MTUS2: variants seen among roughly 807,000 people sequenced by gnomAD.
The protein encoded by MTUS2 is microtubule associated scaffold protein 2, also known as microtubule-associated tumor suppressor candidate 2.
Under a neutral mutation model 114.1 loss-of-function variants are expected in MTUS2, and 40 were observed. That is an observed-to-expected ratio of 0.35 (90% CI 0.27 to 0.46). MTUS2 has a LOEUF of 0.46. MTUS2 is among the 20% of genes least tolerant of loss of function. The pLI, the probability that MTUS2 is intolerant of heterozygous loss-of-function variation, is 1.00. For missense variants in MTUS2, 1,679 were observed against 1,705.4 expected (o/e 0.98, Z 0.27); for synonymous variants, 688 against 672.0 (o/e 1.02, Z -0.37).
intron 2 of MTUS2, among the ~76,000 whole-genome samples, chr13:28,860,012 A>T (rs1876870800): frequency 2.0e-5 from 3 of 152,178 alleles, no homozygotes; most frequent in African/African-American, 7.2e-5. Context: ...ATTGATTTAT[A>T]TTACATTTAG....
chr13:29,033,242 T>C (rs1161836258), intron 3 of MTUS2, among the ~76,000 whole-genome samples: 1 of 152,208 alleles, frequency 6.6e-6, no homozygotes, highest in Non-Finnish European at 1.5e-5. Context: ...GCTCAAACCT[T>C]CCTGGGAGCA....
chr13:29,079,363 T>G (rs962679505), intron 4 of MTUS2, among the ~76,000 whole-genome samples: 2 of 152,068 alleles, frequency 1.3e-5, no homozygotes, highest in Non-Finnish European at 2.9e-5. Context: ...ATTCTTAGGG[T>G]TTTTTTCTCT....
chr13:29,493,706 C>T (rs1470819593), intron 12 of MTUS2, among the ~76,000 whole-genome samples: 2 of 152,214 alleles, frequency 1.3e-5, no homozygotes, highest in East Asian at 1.9e-4. Flanking sequence ...CAATGAACCC[C>T]AGACTGCCTT....
intron 6 of MTUS2, among the ~76,000 whole-genome samples, chr13:29,308,190 A>T (rs1899571059): frequency 6.6e-6 from 1 of 152,228 alleles, no homozygotes; most frequent in African/African-American, 2.4e-5. Flanking sequence ...ACAGCATGGT[A>T]CTGGTACAAG....
rs1251931137 is a variant in MTUS2 at position 29,389,430 on chromosome 13, CGT to C, written c.3117+29964_3117+29965del. On this transcript the variant is annotated intron_variant, in intron 8 of 15. Transcript: ENST00000612955. ...ATACACGTGTGTGTGTATGTATACA[CGT>C]GTGTGTATGTGTATGTATACACGTG... is the stretch of plus-strand genomic sequence containing the variant. Among the ~76,000 whole-genome samples the C allele has an allele frequency of 3.8e-4, 38 of 100,182 alleles. 2 individuals carry two copies. The highest frequency in any genetic ancestry group is 6.8e-4 in the South Asian group (2 of 2,942). The allele number at this position is 100,182 out of a possible 152,430, so 65.7% of individuals were successfully genotyped here. A position where few individuals can be genotyped will look rare whatever the true frequency, so the allele number is the denominator to read the frequency against.
intron 2 of MTUS2, among the ~76,000 whole-genome samples, chr13:28,970,029 C>G (rs1382805555): frequency 6.6e-6 from 1 of 152,236 alleles, no homozygotes; most frequent in Non-Finnish European, 1.5e-5. Flanking sequence ...ATTCGCCTGC[C>G]TTGGCCTCCC....
At chr13:29,476,574 G>A (rs1593488835) in intron 9 of MTUS2, 1 of 141,918 alleles carries the variant, frequency 7.0e-6, no homozygotes, top group South Asian at 2.3e-4. Context: ...ACCCATTTAA[G>A]TATACAATGT....
intron 6 of MTUS2, among the ~76,000 whole-genome samples, chr13:29,296,633 A>C (rs926522952): frequency 6.6e-6 from 1 of 152,052 alleles, no homozygotes; most frequent in African/African-American, 2.4e-5. Context: ...CTTTTTGATG[A>C]TGACCATTTT....
At chr13:29,283,333 T>A (rs372959341) in intron 6 of MTUS2, among the ~76,000 whole-genome samples, 1 of 152,216 alleles carries the variant, frequency 6.6e-6, no homozygotes, top group African/African-American at 2.4e-5. Flanking sequence ...GGTGACTGTG[T>A]CTGTTTTAAC....
intron 2 of MTUS2, among the ~76,000 whole-genome samples, chr13:28,892,713 A>C (rs907451050): frequency 1.3e-4 from 19 of 151,942 alleles, no homozygotes; most frequent in African/African-American, 4.6e-4. Context: ...TTATCTCCTG[A>C]TTTCTGTAAG....
chr13:29,389,377 A>T (rs56060897), intron 8 of MTUS2, among the ~76,000 whole-genome samples: 1 of 59,912 alleles, frequency 1.7e-5, no homozygotes, highest in African/African-American at 6.5e-5. Flanking sequence ...GTGTGTGTAT[A>T]TATGTATACA....
At chr13:29,051,638 G>A (rs7328602) in intron 4 of MTUS2, among the ~76,000 whole-genome samples, 92,122 of 152,036 alleles carry the variant, frequency 0.61, 28,028 homozygotes, top group South Asian at 0.73. Flanking sequence ...ATGGTGTCCC[G>A]GAAGCCACAA....
chr13:29,060,185 C>T (rs937579875), intron 4 of MTUS2, among the ~76,000 whole-genome samples: 2 of 152,208 alleles, frequency 1.3e-5, no homozygotes, highest in Non-Finnish European at 2.9e-5. Context: ...ATTGGGGCTA[C>T]GGTGCTGGTG....
chr13:29,320,962 T>C (rs1411193067), intron 6 of MTUS2, among the ~76,000 whole-genome samples: 1 of 152,102 alleles, frequency 6.6e-6, no homozygotes, highest in East Asian at 1.9e-4. Flanking sequence ...GGGAGGACAA[T>C]TGACTAGGAG....
intron 11 of MTUS2, among the ~76,000 whole-genome samples, chr13:29,488,833 C>T (rs180699893): frequency 1.3e-5 from 2 of 152,134 alleles, no homozygotes; most frequent in East Asian, 3.9e-4. Flanking sequence ...TTGGGTTTTA[C>T]GTGGGTCATA....
intron 2 of MTUS2, among the ~76,000 whole-genome samples, chr13:28,941,381 A>G (rs900701280): frequency 1.3e-5 from 2 of 152,144 alleles, no homozygotes; most frequent in Admixed American, 1.3e-4. Context: ...TAGGAATTTA[A>G]AAACATTTAT....
At position 29,018,052 on chromosome 13, in the gene MTUS2, C is replaced by G. The variant is rs575565435; in HGVS notation, c.-242-6405C>G. ...AGAAAATACCTAGTTCCACCTCTACCTGTTTGGTGGGGGAAGGGAGGAGAG... is the reference window on the plus strand; with the variant it reads ...AGAAAATACCTAGTTCCACCTCTACGTGTTTGGTGGGGGAAGGGAGGAGAG... On this transcript the variant is annotated intron_variant, in intron 2 of 15. Transcript: ENST00000612955. 9.9e-5 allele frequency among the ~76,000 whole-genome samples: 15 copies of G among 152,214 alleles called. No homozygotes were observed. The South Asian group carries it at 3.1e-3, about 32-fold the overall frequency.
chr13:29,499,085 TC>T (rs1187753071), intron 14 of MTUS2, among the ~76,000 whole-genome samples: 1 of 152,258 alleles, frequency 6.6e-6, no homozygotes, highest in East Asian at 1.9e-4. Context: ...CAGGACCTAA[TC>T]CCCTCCCCAG....
chr13:29,032,618 A>C (rs1396667033), intron 3 of MTUS2, among the ~76,000 whole-genome samples: 2 of 152,228 alleles, frequency 1.3e-5, no homozygotes, highest in African/African-American at 4.8e-5. Context: ...ACAGTCATGC[A>C]TATTTTACAG....
Sources: gnomAD v4.1 joint callset for allele counts (sites outside exome capture counted in the v4.1 genomes callset) on GRCh38, gnomAD v4.1.1 for gene constraint, MANE v1.5 for transcripts, NCBI Gene and HGNC (gene_info 2026-07-23, HGNC 2026-07-21) for gene names.